The following FDFT1 variants were observed in gnomAD, a reference collection of about 807,000 sequenced individuals.
FDFT1 encodes the protein farnesyl-diphosphate farnesyltransferase 1.
In FDFT1, 68 loss-of-function variants were observed where a neutral mutation model predicts 46.8. The observed-to-expected ratio is 1.45, with a 90% CI of 1.19 to 1.78. FDFT1 has a LOEUF of 1.78. Ranked by LOEUF, FDFT1 falls within the 40% of genes most tolerant of loss-of-function variation. FDFT1 has a pLI of 0.00. For missense variants in FDFT1, 928 were observed against 524.4 expected (o/e 1.77, Z -7.52); for synonymous variants, 351 against 185.1 (o/e 1.90, Z -7.28).
At chr8:11,833,041 C>T (rs770573730) in intron 7 of FDFT1, among the ~76,000 whole-genome samples, 8 of 152,146 alleles carry the variant, frequency 5.3e-5, no homozygotes, top group Non-Finnish European at 8.8e-5. Flanking sequence ...CTTTATCTGA[C>T]ACAGAAATGC....
At chr8:11,808,256 C>T (rs1435433378) in intron 1 of FDFT1, 2 of 1,208,260 alleles carry the variant, frequency 1.7e-6, no homozygotes, top group East Asian at 3.4e-5. Flanking sequence ...GACTCTGTCA[C>T]TGGGAGGACG....
At chr8:11,828,395 C>A (rs1035856735) in intron 5 of FDFT1, among the ~76,000 whole-genome samples, 2 of 152,188 alleles carry the variant, frequency 1.3e-5, no homozygotes, top group Non-Finnish European at 2.9e-5. Context: ...GTTGAGAAAC[C>A]ACTCTTGTCT....
rs139729511 is a variant in FDFT1, at chr8:11,826,172, A to G, written c.659A>G (p.Tyr220Cys). 3.8e-6 allele frequency: 6 copies of G among 1,591,764 alleles called. No individual in the cohort carries two copies. The highest frequency in any genetic ancestry group is 3.4e-6 in the Non-Finnish European group (4 of 1,163,410). Residue 220 changes from tyrosine to cysteine, a missense_variant, in exon 5 of 8, where the codon TAT (tyrosine) becomes TGT (cysteine). By Grantham distance (194) the Tyr-to-Cys change is radical (BLOSUM62 -2). Coordinates refer to ENST00000220584, the MANE Select transcript of FDFT1 (RefSeq NM_004462.5). Reference sequence around the variant, plus strand: ...CAGAAAACAAACATCATCCGTGACTATCTGGAAGACCAGCAAGGAGGAAGA... The same window carrying G: ...CAGAAAACAAACATCATCCGTGACTGTCTGGAAGACCAGCAAGGAGGAAGA... ...FLQKTNIIRDYLEDQQGGREF... is the reference protein window; with the variant it reads ...FLQKTNIIRDCLEDQQGGREF...
upstream of FDFT1, among the ~76,000 whole-genome samples, chr8:11,798,980 A>C (rs993860485): frequency 6.6e-6 from 1 of 152,226 alleles, no homozygotes; most frequent in Non-Finnish European, 1.5e-5. Context: ...TTGAGGTAGG[A>C]GCTTTATGCT....
At position 11,838,592 on chromosome 8, in the gene FDFT1, CAGACTGGAG is replaced by C; in HGVS notation, c.1239_1247del (p.Thr414_Glu416del). The C allele has an allele frequency of 6.2e-7, 1 of 1,613,754 alleles. No homozygotes were observed. On this transcript the variant is annotated inframe_deletion, in exon 8 of 8. Coordinates refer to ENST00000220584, the MANE Select transcript of FDFT1 (RefSeq NM_004462.5). ...CTCCCAGGTAACAGAAGACTATGTT[CAGACTGGAG>C]AACACTGATCCCAAATTTGTCCATA...
chr8:11,819,097 C>T (rs931748232), intron 3 of FDFT1, among the ~76,000 whole-genome samples: 2 of 152,134 alleles, frequency 1.3e-5, no homozygotes, highest in South Asian at 2.1e-4. Flanking sequence ...GATTTTATTT[C>T]TCCTTCACTT....
intron 4 of FDFT1, among the ~76,000 whole-genome samples, chr8:11,825,712 A>G (rs757465590): frequency 2.4e-4 from 36 of 152,194 alleles, no homozygotes; most frequent in Non-Finnish European, 4.4e-4. Flanking sequence ...AATAAAAATA[A>G]AAAAATGTTT....
intron 1 of FDFT1, among the ~76,000 whole-genome samples, chr8:11,805,237 G>T (rs1806681147): frequency 6.6e-6 from 1 of 152,116 alleles, no homozygotes; most frequent in Non-Finnish European, 1.5e-5. Context: ...GCAAACTAGG[G>T]AAAAAATTTA....
chr8:11,795,662 T>C (rs919178537), exon 1 of FDFT1: 3 of 152,148 alleles, frequency 2.0e-5, no homozygotes, highest in Non-Finnish European at 4.4e-5. Flanking sequence ...TGTTTCGGTC[T>C]GCACTGCCTT....
intron 1 of FDFT1, 92 bp downstream of exon 1, chr8:11,803,023 G>A (rs759750117): frequency 1.3e-6 from 2 of 1,506,934 alleles, no homozygotes; most frequent in African/African-American, 2.8e-5. Context: ...TCTGGGGCAA[G>A]GGGCGCGGCG....
intron 3 of FDFT1, among the ~76,000 whole-genome samples, chr8:11,812,078 A>G (rs1000405292): frequency 6.6e-6 from 1 of 152,212 alleles, no homozygotes; most frequent in Admixed American, 6.5e-5. Flanking sequence ...CACACACAGT[A>G]CTGCTCTTAG....
chr8:11,802,670 C>A (rs1022520251), upstream of FDFT1: 1 of 630,330 alleles, frequency 1.6e-6, no homozygotes. Context: ...CGGCCGAGGC[C>A]GGTTGAAGTG....
chr8:11,826,230 G>T lies in FDFT1; in HGVS notation c.702+15G>T. The T allele has an allele frequency of 1.3e-6, 2 of 1,488,538 alleles. No homozygotes were observed. The highest frequency in any genetic ancestry group is 1.8e-6 in the Non-Finnish European group (2 of 1,102,312). The allele number at this position is 1,488,538 out of a possible 1,614,324, so 92.2% of individuals were successfully genotyped here. A position where few individuals can be genotyped will look rare whatever the true frequency, so the allele number is the denominator to read the frequency against. ...GGCCTCAAGAGGTAACAGATTCAGG[G>T]TATTTTGGGGGAAAATAACTTTAGA... On this transcript the variant is annotated intron_variant, in intron 5 of 7. Transcript: ENST00000220584.
At chr8:11,800,154 G>C (rs1238873251), upstream of FDFT1, among the ~76,000 whole-genome samples, 1 of 149,044 alleles carries the variant, frequency 6.7e-6, no homozygotes, top group African/African-American at 2.5e-5. Context: ...CCAGCTACTC[G>C]GGAGGCTGAG....
intron 3 of FDFT1, among the ~76,000 whole-genome samples, chr8:11,817,854 A>C (rs79180062): frequency 6.6e-6 from 1 of 151,166 alleles, no homozygotes; most frequent in East Asian, 1.9e-4. Context: ...TTGTGTGTCT[A>C]TCTCTTTCAG....
rs1047643 is a variant in FDFT1 at position 11,802,853 on chromosome 8, T to C, written c.21T>C (p.Leu7=). The change falls in exon 1 of 8, where the codon CTT becomes CTC. Residue 7 remains leucine (L), a synonymous_variant. Transcript: ENST00000220584. ...CCAGGATGGAGTTCGTGAAATGCCT[T>C]GGCCACCCCGAAGAGTTCTACAACC... MEFVKC[L]GHPEEFYNLV... is the part of the protein sequence containing the mutation. The C allele has an allele frequency of 0.16, 256,783 of 1,610,252 alleles. 22,999 individuals are homozygous for C. The highest frequency in any genetic ancestry group is 0.35 in the African/African-American group (25,982 of 74,802).
chr8:11,836,982 T>C (rs568594187), intron 7 of FDFT1, among the ~76,000 whole-genome samples: 2 of 152,218 alleles, frequency 1.3e-5, no homozygotes, highest in African/African-American at 2.4e-5. Context: ...GGGTGAAAAC[T>C]ACAGATGGTC....
At chr8:11,827,187 C>T (rs1405044700) in intron 5 of FDFT1, among the ~76,000 whole-genome samples, 2 of 152,070 alleles carry the variant, frequency 1.3e-5, no homozygotes, top group Admixed American at 6.6e-5. Flanking sequence ...TTTAAAAAGA[C>T]GGGTGAGGCT....
intron 1 of FDFT1, chr8:11,808,136 A>T: frequency 6.3e-6 from 3 of 474,704 alleles, no homozygotes; most frequent in East Asian, 1.2e-4. Context: ...TCAATTTAGC[A>T]GGATTCTTGG....
Sources: allele counts gnomAD v4.1 joint callset (sites outside exome capture counted in the v4.1 genomes callset), GRCh38; gene constraint gnomAD v4.1.1; transcripts MANE v1.5; gene names NCBI Gene and HGNC (gene_info 2026-07-23, HGNC 2026-07-21).